Variants in TCF23 observed in about 807,000 individuals in gnomAD.
TCF23 encodes transcription factor 23.
A neutral mutation model predicts 13.0 loss-of-function variants in TCF23; 7 were observed. The ratio of observed to expected loss-of-function variants is 0.54; its 90% CI spans 0.31 to 1.01. The LOEUF is 1.01. Among genes scored for constraint, TCF23 ranks in the 50% least tolerant of loss-of-function variants. The pLI is 0.06. For synonymous variants in TCF23, 122 were observed against 119.5 expected (o/e 1.02, Z -0.14); for missense variants, 257 against 289.8 (o/e 0.89, Z 0.82).
At chr2:27,152,471 C>G (rs913811018) in intron 2 of TCF23, among the ~76,000 whole-genome samples, 1 of 152,242 alleles carries the variant, frequency 6.6e-6, no homozygotes, top group African/African-American at 2.4e-5. Flanking sequence ...GGCCCTCTCC[C>G]TCCTCAGATG....
In TCF23 at chr2:27,150,175, T is replaced by C. The variant is rs1225928470; in HGVS notation, c.275T>C (p.Leu92Pro). The stretch of plus-strand genomic sequence containing the variant: ...CGGGAGCGGAGCCGGGTCAGGACGC[T>C]GCGCCAGGCCTTCTTGGCCTTGCAG... ...AARERSRVRT[L>P]RQAFLALQAA... Residue 92 changes from leucine to proline, a missense_variant, in exon 2 of 3, where the codon CTG becomes CCG. Leu to Pro is a moderately conservative substitution (Grantham distance 98, BLOSUM62 -3). Coordinates refer to ENST00000296096, the MANE Select transcript of TCF23 (RefSeq NM_175769.3). This position sits in a 1 kb window ranked among gnomAD's most constrained non-coding sequence, Gnocchi z 4.1. 6.2e-7 allele frequency: 1 copy of C among 1,611,764 alleles called. No homozygotes were observed. Among genetic ancestry groups the C allele is most frequent in the South Asian group, 1.1e-5 (1 of 90,998 alleles).
rs1672738309 is a variant in TCF23 at position 27,150,160 on chromosome 2, G to T, written c.260G>T (p.Ser87Ile). ...CCTGAGAATGCCGCGCGGGAGCGGA[G>T]CCGGGTCAGGACGCTGCGCCAGGCC... ...ASPENAARER[S>I]RVRTLRQAFL... Residue 87 changes from serine (S) to isoleucine (I), a missense_variant, in exon 2 of 3, where the codon AGC (serine) becomes ATC (isoleucine). Physicochemically the swap from Ser to Ile is moderately radical, Grantham distance 142. Transcript: ENST00000296096. This position sits in a 1 kb window ranked among gnomAD's most constrained non-coding sequence, Gnocchi z 4.1. 6.2e-7 allele frequency: 1 copy of T among 1,609,868 alleles called. No homozygotes were observed. Among genetic ancestry groups the T allele is most frequent in the African/African-American group, 1.3e-5 (1 of 74,884 alleles).
At position 27,150,682 on chromosome 2, in the gene TCF23, A is replaced by C. The variant is rs1321621215; in HGVS notation, c.465+317A>C. Among the ~76,000 whole-genome samples the C allele has an allele frequency of 6.6e-6, 1 of 152,100 alleles. No homozygotes were observed. Among genetic ancestry groups the C allele is most frequent in the African/African-American group, 2.4e-5 (1 of 41,416 alleles). On this transcript the variant is annotated intron_variant, in intron 2 of 2. Transcript: ENST00000296096. This position sits in a 1 kb window ranked among gnomAD's most constrained non-coding sequence, Gnocchi z 4.1. ...GCAGGTTCCAAGTCTGGGGCCTGGG[A>C]AAGGAAATTATACCAAGGAGAGTCC...
rs1672784408 is a variant in TCF23, at chr2:27,153,042, A to T, written c.*175A>T. The T allele has an allele frequency of 7.3e-7, 1 of 1,366,426 alleles. No individual in the cohort carries two copies. 84.6% of individuals were successfully genotyped at this position (1,366,426 alleles called of 1,614,324 possible). On this transcript the variant is annotated 3_prime_UTR_variant, in exon 3 of 3. Coordinates refer to ENST00000296096, the MANE Select transcript of TCF23 (RefSeq NM_175769.3). ...TGATGGACAGTACCTAGAGGGGCAC[A>T]GGTTGGAGAGCCTCCTCCTTGGTCC...
In TCF23 at chr2:27,156,611, C is replaced by T. The variant is rs1672840985; in HGVS notation, c.*3744C>T. On this transcript the variant is annotated 3_prime_UTR_variant, in exon 3 of 3. Coordinates refer to ENST00000296096, the MANE Select transcript of TCF23 (RefSeq NM_175769.3). ...CCATGTTAGCCAGGATGGTCTTGAT[C>T]TCCTGACCTCGTGATCCGCCCGCCT... 1 of 150,788 alleles carries T rather than the reference C, an allele frequency of 6.6e-6. No individual in the cohort carries two copies. The highest frequency in any genetic ancestry group is 2.1e-4 in the South Asian group (1 of 4,776). 9.3% of individuals were successfully genotyped at this position (150,788 alleles called of 1,614,324 possible). A position where few individuals can be genotyped will look rare whatever the true frequency, so the allele number is the denominator to read the frequency against.
intron 2 of TCF23, among the ~76,000 whole-genome samples, chr2:27,151,307 A>G (rs1421927257): frequency 6.6e-6 from 1 of 152,104 alleles, no homozygotes; most frequent in Non-Finnish European, 1.5e-5. Context: ...AGTGGTATCA[A>G]CTTTTTTATT....
At chr2:27,149,467 A>G (rs1411815208) in intron 1 of TCF23, 112 bp downstream of exon 1, 1 of 1,077,476 alleles carries the variant, frequency 9.3e-7, no homozygotes, top group Non-Finnish European at 1.3e-6. Context: ...CCTGCCCAAG[A>G]GAGGGGACAC....
chr2:27,150,492 A>G lies in TCF23; in HGVS notation c.465+127A>G, dbSNP rs866993553. ...CTGTGCAGAACTGACGTCGGAGCCA[A>G]TTTCTCCTGCTGTCTCAGAGGGAGA... On this transcript the variant is annotated intron_variant, in intron 2 of 2. Transcript: ENST00000296096. The surrounding 1 kb of genome is among the most constrained non-coding windows in gnomAD (Gnocchi z 4.1). 2.3e-4 allele frequency: 334 copies of G among 1,473,982 alleles called. 1 individual carries two copies. The highest frequency in any genetic ancestry group is 1.6e-3 in the Middle Eastern group (8 of 4,952). The allele number at this position is 1,473,982 out of a possible 1,614,324, so 91.3% of individuals were successfully genotyped here. A position where few individuals can be genotyped will look rare whatever the true frequency, so the allele number is the denominator to read the frequency against.
At chr2:27,149,542 C>T (rs1257261284) in intron 1 of TCF23, among the ~76,000 whole-genome samples, 187 bp downstream of exon 1, 1 of 152,106 alleles carries the variant, frequency 6.6e-6, no homozygotes, top group Non-Finnish European at 1.5e-5. Context: ...TGGTCTTAAC[C>T]AGAGTGCAGC....
rs1672742156 is a variant in TCF23 at position 27,150,284 on chromosome 2, C to T, written c.384C>T (p.Leu128=). Residue 128 remains leucine (L), a synonymous_variant, in exon 2 of 3, where the codon CTC becomes CTT. Coordinates refer to ENST00000296096, the MANE Select transcript of TCF23 (RefSeq NM_175769.3). The surrounding 1 kb of genome is among the most constrained non-coding windows in gnomAD (Gnocchi z 4.1). The part of the protein sequence containing the change: ...LVLAASYIAH[L]TRTLGHELPG... ...TCGCCGCCAGCTACATAGCCCACCT[C>T]ACCCGCACACTCGGCCACGAGTTGC... 2 of 1,613,812 alleles carry T rather than the reference C, an allele frequency of 1.2e-6. No individual in the cohort carries two copies.
At chr2:27,152,335 C>T (rs1196347975) in intron 2 of TCF23, among the ~76,000 whole-genome samples, 1 of 152,250 alleles carries the variant, frequency 6.6e-6, no homozygotes, top group Non-Finnish European at 1.5e-5. Context: ...CCTTGGAGGA[C>T]CCAGCTTGGA....
intron 1 of TCF23, 137 bp downstream of exon 1, chr2:27,149,492 C>G: frequency 2.4e-6 from 2 of 833,694 alleles, no homozygotes; most frequent in East Asian, 5.3e-5. Context: ...CCCTTAGACT[C>G]CAAGGCATCA....
chr2:27,150,079 T>C lies in TCF23; in HGVS notation c.223-44T>C. 6.4e-7 allele frequency: 1 copy of C among 1,571,616 alleles called. No homozygotes were observed. Among genetic ancestry groups the C allele is most frequent in the Non-Finnish European group, 8.6e-7 (1 of 1,160,580 alleles). The stretch of plus-strand genomic sequence containing the variant: ...CAAACGCTCTCAGAAGTCAGGGCAG[T>C]TGGGAGTCCAGGTCACACACACTCA... On this transcript the variant is annotated intron_variant, in intron 1 of 2. Coordinates refer to ENST00000296096, the MANE Select transcript of TCF23 (RefSeq NM_175769.3). This position sits in a 1 kb window ranked among gnomAD's most constrained non-coding sequence, Gnocchi z 4.1.
Position 27,152,775 on chromosome 2 carries a change from A to G in TCF23, c.553A>G (p.Thr185Ala), listed in dbSNP as rs1672780295. 4.3e-6 allele frequency: 7 copies of G among 1,614,150 alleles called. No individual in the cohort carries two copies. In the East Asian group the frequency reaches 1.6e-4, roughly 36 times the overall value. ...STTASTPSQRTRDAEVGSQVP... is the reference protein window; with the variant it reads ...STTASTPSQRARDAEVGSQVP... ...CACAGCCAGCACCCCCAGCCAAAGA[A>G]CAAGAGATGCAGAGGTGGGGTCCCA... Residue 185 changes from threonine to alanine, a missense_variant, in exon 3 of 3, where the codon ACA becomes GCA. Thr to Ala is a moderately conservative substitution (Grantham distance 58, BLOSUM62 0). Transcript: ENST00000296096.
chr2:27,149,786 C>A, intron 1 of TCF23: 1 of 637,290 alleles, frequency 1.6e-6, no homozygotes, highest in Non-Finnish European at 3.0e-6. Flanking sequence ...CTCCCCCTGG[C>A]CCCAGCACAC....
Position 27,152,635 on chromosome 2 carries a change from C to T in TCF23, c.466-53C>T, listed in dbSNP as rs566895359. On this transcript the variant is annotated intron_variant, in intron 2 of 2. Coordinates refer to ENST00000296096, the MANE Select transcript of TCF23 (RefSeq NM_175769.3). ...GGTTTTGGGTGTCAAGGATCCTGGA[C>T]CACGAAGGGCTGCAATAGCAGCATT... 4 of 1,579,988 alleles carry T rather than the reference C, an allele frequency of 2.5e-6. No homozygotes were observed. In the African/African-American group the frequency reaches 4.0e-5, roughly 16 times the overall value.
Position 27,152,669 on chromosome 2 carries a change from C to T in TCF23, c.466-19C>T, listed in dbSNP as rs768357974. 8.7e-6 allele frequency: 14 copies of T among 1,607,314 alleles called. No homozygotes were observed. The South Asian group carries it at 1.5e-4, about 18-fold the overall frequency. On this transcript the variant is annotated intron_variant, in intron 2 of 2. Coordinates refer to ENST00000296096, the MANE Select transcript of TCF23 (RefSeq NM_175769.3). ...GCTGCAATAGCAGCATTTCTCACTT[C>T]CCAATCTGTGTCTTGCAGAAGTGGC...
At chr2:27,149,643 G>A (rs1672729429) in intron 1 of TCF23, 3 of 621,058 alleles carry the variant, frequency 4.8e-6, no homozygotes, top group South Asian at 3.0e-5. Flanking sequence ...AGCAGCCAGT[G>A]GTAGGACTGG....
In TCF23 at chr2:27,156,472, G is replaced by T. The variant is rs1216336181; in HGVS notation, c.*3605G>T. The T allele has an allele frequency of 6.6e-6, 1 of 151,564 alleles. No homozygotes were observed. The highest frequency in any genetic ancestry group is 1.5e-5 in the Non-Finnish European group (1 of 67,908). The allele number at this position is 151,564 out of a possible 1,614,324, so 9.4% of individuals were successfully genotyped here. A position where few individuals can be genotyped will look rare whatever the true frequency, so the allele number is the denominator to read the frequency against. On this transcript the variant is annotated 3_prime_UTR_variant, in exon 3 of 3. Coordinates refer to ENST00000296096, the MANE Select transcript of TCF23 (RefSeq NM_175769.3). ...GGCTCACTGCAAGCTCCGCCTCCTG[G>T]GTTCACGCGATTCTCCTGCCTCAGC...
Sources: gnomAD v4.1 joint callset for allele counts (sites outside exome capture counted in the v4.1 genomes callset) on GRCh38, gnomAD v4.1.1 for gene constraint, Gnocchi (gnomAD v3.1) non-coding constraint, MANE v1.5 for transcripts, NCBI Gene and HGNC (gene_info 2026-07-23, HGNC 2026-07-21) for gene names.